PTPRD: variants seen among roughly 807,000 people sequenced by gnomAD.
PTPRD encodes protein tyrosine phosphatase receptor type D.
A neutral mutation model predicts 214.5 loss-of-function variants in PTPRD; 34 were observed. The observed-to-expected ratio is 0.16, with a 90% CI of 0.12 to 0.21. PTPRD has a LOEUF of 0.21. Among genes scored for constraint, PTPRD ranks in the 10% least tolerant of loss-of-function variants. The pLI, the probability that PTPRD is intolerant of heterozygous loss-of-function variation, is 1.00. For missense variants in PTPRD, 2,545 were observed against 2,398.7 expected (o/e 1.06, Z -1.27); for synonymous variants, 1,128 against 845.7 (o/e 1.33, Z -5.79).
chr9:10,231,351 AG>A (rs1272263938), intron 3 of PTPRD, among the ~76,000 whole-genome samples: 1 of 151,984 alleles, frequency 6.6e-6, no homozygotes, highest in Non-Finnish European at 1.5e-5. Flanking sequence ...AAAAAATGGA[AG>A]GGTTTGCAGG....
intron 43 of PTPRD, among the ~76,000 whole-genome samples, chr9:8,337,440 G>C (rs906258858): frequency 2.0e-5 from 3 of 151,290 alleles, no homozygotes; most frequent in Non-Finnish European, 2.9e-5. Context: ...TCACACACTG[G>C]GGCCTGTTGC....
intron 7 of PTPRD, among the ~76,000 whole-genome samples, chr9:9,581,730 A>G (rs1227753040): frequency 6.6e-6 from 1 of 152,168 alleles, no homozygotes; most frequent in African/African-American, 2.4e-5. Context: ...TACAAAAAAG[A>G]TCTTAAATCT....
At chr9:8,871,344 A>G (rs534627002) in intron 11 of PTPRD, among the ~76,000 whole-genome samples, 1 of 152,314 alleles carries the variant, frequency 6.6e-6, no homozygotes, top group African/African-American at 2.4e-5. Flanking sequence ...TTATGTTAGC[A>G]TCTGATCACT....
chr9:9,630,906 G>A (rs979606265), intron 7 of PTPRD, among the ~76,000 whole-genome samples: 3 of 151,984 alleles, frequency 2.0e-5, no homozygotes, highest in African/African-American at 7.2e-5. Flanking sequence ...TAAAACATAA[G>A]GAATTAAATT....
intron 39 of PTPRD, among the ~76,000 whole-genome samples, chr9:8,353,687 G>GC (rs1421400252): frequency 1.3e-5 from 2 of 151,824 alleles, no homozygotes; most frequent in African/African-American, 2.4e-5. Context: ...GCCCGCCTCA[G>GC]CCCCCCAAAG....
At chr9:9,379,187 C>G (rs1596682114) in intron 9 of PTPRD, among the ~76,000 whole-genome samples, 1 of 138,492 alleles carries the variant, frequency 7.2e-6, no homozygotes, top group South Asian at 2.2e-4. Flanking sequence ...GGGCATAGGT[C>G]TATGTTGAGA....
intron 44 of PTPRD, among the ~76,000 whole-genome samples, chr9:8,324,113 T>G (rs2131038604): frequency 6.6e-6 from 1 of 151,892 alleles, no homozygotes; most frequent in South Asian, 2.1e-4. Flanking sequence ...TTTTTTTTTT[T>G]TTTAAACTTT....
chr9:8,869,155 G>A (rs940918865), intron 11 of PTPRD, among the ~76,000 whole-genome samples: 1 of 152,130 alleles, frequency 6.6e-6, no homozygotes, highest in African/African-American at 2.4e-5. Flanking sequence ...TGATGCCTTT[G>A]TGTTATTTTC....
intron 3 of PTPRD, among the ~76,000 whole-genome samples, chr9:10,161,915 C>A (rs1399023132): frequency 1.3e-5 from 2 of 151,562 alleles, no homozygotes; most frequent in African/African-American, 2.4e-5. Context: ...AGAAAACATA[C>A]AAATGACCAA....
At chr9:9,814,890 C>G (rs1598578053) in intron 5 of PTPRD, among the ~76,000 whole-genome samples, 2 of 149,154 alleles carry the variant, frequency 1.3e-5, no homozygotes, top group Non-Finnish European at 3.0e-5. Context: ...GCCTCAACCT[C>G]CTGGGCTCAA....
intron 43 of PTPRD, among the ~76,000 whole-genome samples, chr9:8,335,701 T>C (rs1019063798): frequency 4.6e-5 from 7 of 152,116 alleles, no homozygotes; most frequent in Admixed American, 2.6e-4. Context: ...GGAAGTGAAA[T>C]TGTCTCTGTT....
intron 2 of PTPRD, among the ~76,000 whole-genome samples, chr9:10,404,235 G>A (rs1250522280): frequency 6.6e-6 from 1 of 151,676 alleles, no homozygotes; most frequent in Non-Finnish European, 1.5e-5. Context: ...TCTCAACCAG[G>A]GGTGGTGGAA....
chr9:9,918,273 G>A (rs2382061), intron 5 of PTPRD, among the ~76,000 whole-genome samples: 114,529 of 148,564 alleles, frequency 0.77, 44,207 homozygotes, highest in Non-Finnish European at 0.82. Context: ...AGCTGAAAAA[G>A]TAATCAAGAA....
At chr9:9,712,218 A>C (rs999690185) in intron 7 of PTPRD, among the ~76,000 whole-genome samples, 4 of 152,216 alleles carry the variant, frequency 2.6e-5, no homozygotes, top group African/African-American at 7.2e-5. Flanking sequence ...ATTAAAAAGT[A>C]GCCATCTGGA....
At chr9:8,901,170 G>A (rs2098665910) in intron 11 of PTPRD, among the ~76,000 whole-genome samples, 2 of 152,244 alleles carry the variant, frequency 1.3e-5, no homozygotes, top group East Asian at 1.9e-4. Flanking sequence ...GTTCATTGGA[G>A]CTCAACAGCT....
In PTPRD at chr9:10,003,689, A is replaced by T. The variant is rs2096393107; in HGVS notation, c.-472+30029T>A. On this transcript the variant is annotated intron_variant, in intron 4 of 45. Coordinates refer to ENST00000381196, the MANE Select transcript of PTPRD (RefSeq NM_002839.4). ...CCCAATAAGGCTGATAAAACATATGACAACAATAAAACAATTTAATGATAA... is the reference window on the plus strand; with the variant it reads ...CCCAATAAGGCTGATAAAACATATGTCAACAATAAAACAATTTAATGATAA... Among the ~76,000 whole-genome samples the T allele has an allele frequency of 1.3e-5, 2 of 151,752 alleles. 1 individual carries two copies. Among genetic ancestry groups the T allele is most frequent in the Admixed American group, 1.3e-4 (2 of 15,216 alleles).
At chr9:8,888,121 TAA>T (rs1462983903) in intron 11 of PTPRD, among the ~76,000 whole-genome samples, 2 of 152,198 alleles carry the variant, frequency 1.3e-5, no homozygotes, top group South Asian at 2.1e-4. Context: ...TTGCTTTCGT[TAA>T]AGAGTGCTCA....
At chr9:10,201,787 C>G (rs76964493) in intron 3 of PTPRD, among the ~76,000 whole-genome samples, 21 of 152,084 alleles carry the variant, frequency 1.4e-4, no homozygotes, top group African/African-American at 4.6e-4. Flanking sequence ...TATGATTTGT[C>G]AACCATAAAT....
At chr9:10,211,798 G>T (rs1164351298) in intron 3 of PTPRD, among the ~76,000 whole-genome samples, 1 of 152,090 alleles carries the variant, frequency 6.6e-6, no homozygotes, top group African/African-American at 2.4e-5. Context: ...GAAATCGGAA[G>T]AGTAAGAAGA....
Sources: allele counts gnomAD v4.1 joint callset (sites outside exome capture counted in the v4.1 genomes callset), GRCh38; gene constraint gnomAD v4.1.1; transcripts MANE v1.5; gene names NCBI Gene and HGNC (gene_info 2026-07-23, HGNC 2026-07-21).